PTPRA: variants seen among roughly 807,000 people sequenced by gnomAD.
The protein encoded by PTPRA is protein tyrosine phosphatase receptor type A.
Under a neutral mutation model 104.8 loss-of-function variants are expected in PTPRA, and 25 were observed. The observed-to-expected ratio is 0.24, with a 90% CI of 0.17 to 0.33. The LOEUF is 0.33. PTPRA is among the 10% of genes least tolerant of loss of function. The pLI is 1.00. For synonymous variants in PTPRA, 323 were observed against 368.9 expected (o/e 0.88, Z 1.43); for missense variants, 765 against 1,015.3 (o/e 0.75, Z 3.35).
At chr20:2,898,133 G>A (rs950536396) in intron 1 of PTPRA, among the ~76,000 whole-genome samples, 4 of 151,606 alleles carry the variant, frequency 2.6e-5, no homozygotes, top group South Asian at 2.1e-4. Context: ...GTCTTGCTCC[G>A]TCGCCCAGGC....
chr20:2,937,878 T>C (rs1282214160), intron 2 of PTPRA, among the ~76,000 whole-genome samples: 3 of 152,266 alleles, frequency 2.0e-5, no homozygotes, highest in African/African-American at 7.2e-5. Context: ...TGAAAAATAT[T>C]GTATCCATCC....
intron 2 of PTPRA, among the ~76,000 whole-genome samples, chr20:2,930,412 G>A (rs2060464626): frequency 6.6e-6 from 1 of 152,148 alleles, no homozygotes. Context: ...GTTCAACAGT[G>A]AAAGATGAGG....
chr20:2,933,863 T>C (rs2060595715), intron 2 of PTPRA, among the ~76,000 whole-genome samples: 1 of 152,188 alleles, frequency 6.6e-6, no homozygotes, highest in African/African-American at 2.4e-5. Context: ...AAATATCTTA[T>C]GTATTAGAAA....
chr20:3,037,459 G>A lies in PTPRA; in HGVS notation c.2334+170G>A, dbSNP rs1367242883. 2.6e-5 allele frequency among the ~76,000 whole-genome samples: 4 copies of A among 152,238 alleles called. No individual in the cohort carries two copies. The highest frequency in any genetic ancestry group is 5.9e-5 in the Non-Finnish European group (4 of 68,040). ...CACAGGAAACATTGGGAGGCAGGAT[G>A]GCAGCAATGGGAGCATAGCCCCTGT... On this transcript the variant is annotated intron_variant, in intron 23 of 23. Transcript: ENST00000399903. This position sits in a 1 kb window ranked among gnomAD's most constrained non-coding sequence, Gnocchi z 4.3.
At chr20:3,002,618 C>T (rs1302140997) in intron 9 of PTPRA, among the ~76,000 whole-genome samples, 1 of 152,122 alleles carries the variant, frequency 6.6e-6, no homozygotes, top group East Asian at 1.9e-4. Flanking sequence ...TGAGCCACCG[C>T]GCCTGGCCCA....
chr20:3,025,983 T>C (rs1191762388), intron 17 of PTPRA, among the ~76,000 whole-genome samples: 1 of 151,356 alleles, frequency 6.6e-6, no homozygotes, highest in African/African-American at 2.4e-5. Context: ...TTCACTCTTG[T>C]CACCCGGGCT....
intron 3 of PTPRA, chr20:2,955,579 T>G (rs1317812859): frequency 8.4e-6 from 8 of 952,098 alleles, no homozygotes; most frequent in Non-Finnish European, 1.0e-5. Context: ...AGAGAAGACA[T>G]ATAATGAAAG....
intron 2 of PTPRA, among the ~76,000 whole-genome samples, chr20:2,927,476 A>T (rs757728042): frequency 1.4e-4 from 22 of 152,058 alleles, no homozygotes; most frequent in Non-Finnish European, 2.4e-4. Flanking sequence ...TTATAGTTTC[A>T]CTTTTCACCA....
chr20:2,960,385 G>A (rs2061707301), intron 3 of PTPRA, among the ~76,000 whole-genome samples: 1 of 151,654 alleles, frequency 6.6e-6, no homozygotes, highest in Non-Finnish European at 1.5e-5. Context: ...GAGTAGCTGG[G>A]ACTACAGGTG....
In PTPRA at chr20:2,873,813, C is replaced by G. The variant is rs2089514149; in HGVS notation, c.-129+53C>G. On this transcript the variant is annotated intron_variant, in intron 1 of 23. Coordinates refer to ENST00000399903, the MANE Select transcript of PTPRA (RefSeq NM_001385305.1). The surrounding 1 kb of genome is among the most constrained non-coding windows in gnomAD (Gnocchi z 4.4). Reference sequence around the variant, plus strand: ...GTGGGCTCCGGAAGGGGGAGCGGCTCCCGGGGGCGGTGGGAGGGGTCCCGG... The same window carrying G: ...GTGGGCTCCGGAAGGGGGAGCGGCTGCCGGGGGCGGTGGGAGGGGTCCCGG... The G allele has an allele frequency of 6.6e-6, 1 of 152,214 alleles. No homozygotes were observed. The highest frequency in any genetic ancestry group is 2.1e-4 in the South Asian group (1 of 4,834). 9.4% of individuals were successfully genotyped at this position (152,214 alleles called of 1,614,324 possible). A position where few individuals can be genotyped will look rare whatever the true frequency, so the allele number is the denominator to read the frequency against.
chr20:2,986,905 C>G (rs2148135088), intron 7 of PTPRA, 56 bp downstream of exon 7: 1 of 1,448,314 alleles, frequency 6.9e-7, no homozygotes, highest in African/African-American at 1.4e-5. Flanking sequence ...TCCCAGTGTC[C>G]CAATGAACCC....
chr20:2,945,129 G>T (rs1279727787), intron 2 of PTPRA, among the ~76,000 whole-genome samples: 1 of 150,990 alleles, frequency 6.6e-6, no homozygotes, highest in Admixed American at 6.6e-5. Flanking sequence ...CTCTCTTCAG[G>T]TATATTTTAC....
At chr20:2,881,042 G>T (rs2090018483) in intron 1 of PTPRA, among the ~76,000 whole-genome samples, 1 of 151,674 alleles carries the variant, frequency 6.6e-6, no homozygotes, top group South Asian at 2.1e-4. Context: ...GGCATAGTGG[G>T]TCACACCTGT....
chr20:2,909,870 A>T (rs2059575606), intron 1 of PTPRA, among the ~76,000 whole-genome samples: 1 of 132,336 alleles, frequency 7.6e-6, no homozygotes, highest in South Asian at 2.2e-4. Flanking sequence ...TATATAATAT[A>T]ATTAAAATAT....
In PTPRA at chr20:2,950,184, C is replaced by A. The variant is rs1042582130; in HGVS notation, c.-7+2160C>A. On this transcript the variant is annotated intron_variant, in intron 3 of 23. Coordinates refer to ENST00000399903, the MANE Select transcript of PTPRA (RefSeq NM_001385305.1). This position sits in a 1 kb window ranked among gnomAD's most constrained non-coding sequence, Gnocchi z 4.0. ...ACAAATTTGAACTTGTGGTCAACCT[C>A]TTTAATTGTAAGAATATTCAGGTCT... Among the ~76,000 whole-genome samples, 3 of 152,054 alleles carry A rather than the reference C, an allele frequency of 2.0e-5. No individual in the cohort carries two copies. Among genetic ancestry groups the A allele is most frequent in the African/African-American group, 7.2e-5 (3 of 41,404 alleles).
intron 3 of PTPRA, among the ~76,000 whole-genome samples, chr20:2,963,459 T>A (rs1014883283): frequency 6.6e-6 from 1 of 152,034 alleles, no homozygotes; most frequent in Non-Finnish European, 1.5e-5. Flanking sequence ...CCGGGCATGG[T>A]GGCACATGCC....
At chr20:2,975,333 A>C in intron 6 of PTPRA, 92 bp downstream of exon 6, 1 of 1,154,326 alleles carries the variant, frequency 8.7e-7, no homozygotes, top group Non-Finnish European at 1.2e-6. Flanking sequence ...AACCGTGTGC[A>C]TCTGTGGCTG....
At chr20:2,956,752 A>G (rs1259928528) in intron 3 of PTPRA, among the ~76,000 whole-genome samples, 1 of 152,212 alleles carries the variant, frequency 6.6e-6, no homozygotes, top group East Asian at 1.9e-4. Context: ...CGTTAAGGGT[A>G]TTTCCAGTAT....
intron 9 of PTPRA, among the ~76,000 whole-genome samples, chr20:3,004,810 T>C (rs2063791216): frequency 6.6e-6 from 1 of 152,238 alleles, no homozygotes; most frequent in Admixed American, 6.5e-5. Context: ...GAGCATGCTA[T>C]ACTTACATAA....
Sources: allele counts gnomAD v4.1 joint callset (sites outside exome capture counted in the v4.1 genomes callset), GRCh38; gene constraint gnomAD v4.1.1; non-coding constraint Gnocchi (gnomAD v3.1); transcripts MANE v1.5; gene names NCBI Gene and HGNC (gene_info 2026-07-23, HGNC 2026-07-21).